NF1: variants seen among roughly 807,000 people sequenced by gnomAD.
NF1 encodes the protein neurofibromin 1, also known as neurofibromin.
NF1 carries 122 observed loss-of-function variants against 325.7 expected under a neutral mutation model. That is an observed-to-expected ratio of 0.37 (90% CI 0.32 to 0.44). The LOEUF is 0.44. NF1 is among the 20% of genes least tolerant of loss of function. The pLI is 1.00. For synonymous variants in NF1, 1,091 were observed against 1,186.0 expected, an observed-to-expected ratio of 0.92 and a Z score of 1.65; for missense variants, 2,140 against 3,415.4, an observed-to-expected ratio of 0.63 and a Z score of 9.31.
chr17:31,301,360 C>CT (rs2068569937), intron 36 of NF1, among the ~76,000 whole-genome samples: 2 of 151,962 alleles, frequency 1.3e-5, no homozygotes, highest in Admixed American at 6.6e-5. Flanking sequence ...CAAATTTTTT[C>CT]TTTTTTCCAG....
intron 48 of NF1, among the ~76,000 whole-genome samples, chr17:31,344,890 T>C (rs1005634407): frequency 6.6e-6 from 1 of 151,994 alleles, no homozygotes; most frequent in African/African-American, 2.4e-5. Flanking sequence ...CTGGCCAACA[T>C]GGTGAAACCC....
At chr17:31,330,267 A>G in intron 38 of NF1, 29 bp from the exon 39 acceptor site, 1 of 1,606,550 alleles carries the variant, frequency 6.2e-7, no homozygotes, top group Non-Finnish European at 8.5e-7. Context: ...AATACGTTTT[A>G]AAACAACTTC....
Position 31,327,886 on chromosome 17 carries a change from T to C in NF1, c.5609+47T>C, listed in dbSNP as rs368734862. ...TCAGTTTGATTTGGGGTTTGTTGCT[T>C]TTAAAATGAGACCATTTAATGAATT... On this transcript the variant is annotated intron_variant, in intron 38 of 57. Coordinates refer to ENST00000358273, the MANE Select transcript of NF1 (RefSeq NM_001042492.3). 9 of 1,540,832 alleles carry C rather than the reference T, an allele frequency of 5.8e-6. No individual in the cohort carries two copies. The African/African-American group carries it at 9.5e-5, about 16-fold the overall frequency.
chr17:31,159,429 C>G (rs2065724283), intron 3 of NF1, among the ~76,000 whole-genome samples: 1 of 152,144 alleles, frequency 6.6e-6, no homozygotes, highest in Admixed American at 6.5e-5. Flanking sequence ...GAGTGCGATT[C>G]AGAAGTCCAA....
chr17:31,150,996 C>T (rs575015131), intron 1 of NF1, among the ~76,000 whole-genome samples: 1 of 151,610 alleles, frequency 6.6e-6, no homozygotes, highest in South Asian at 2.1e-4. Context: ...GATTACGCCA[C>T]TGCACTCCAG....
intron 14 of NF1, chr17:31,219,346 A>G (rs1597703820): frequency 7.5e-6 from 2 of 265,360 alleles, no homozygotes; most frequent in East Asian, 1.3e-4. Flanking sequence ...TTAATAAAAT[A>G]GTTCGAGATT....
intron 22 of NF1, 41 bp from the exon 23 acceptor site, chr17:31,230,219 C>G (rs1416495460): frequency 1.2e-6 from 2 of 1,605,196 alleles, no homozygotes; most frequent in Non-Finnish European, 1.7e-6. Context: ...TCTCTTTTGT[C>G]TATATCTGAT....
At chr17:31,360,411 A>G (rs1354843836) in intron 56 of NF1, 76 bp from the exon 57 acceptor site, 13 of 1,269,128 alleles carry the variant, frequency 1.0e-5, no homozygotes, top group Non-Finnish European at 1.5e-5. Flanking sequence ...GTCCAAACAA[A>G]ATTAATATTT....
At chr17:31,264,537 G>A (rs1036142320) in intron 35 of NF1, among the ~76,000 whole-genome samples, 2 of 152,150 alleles carry the variant, frequency 1.3e-5, no homozygotes, top group Non-Finnish European at 2.9e-5. Context: ...GATAAAATGA[G>A]GAGGTTCAAA....
At chr17:31,314,734 C>T (rs1449671068) in intron 36 of NF1, among the ~76,000 whole-genome samples, 2 of 152,108 alleles carry the variant, frequency 1.3e-5, no homozygotes, top group African/African-American at 4.8e-5. Context: ...GCTTCCAAAT[C>T]TTGGCTGTTG....
At chr17:31,239,228 A>G (rs1206432748) in intron 29 of NF1, among the ~76,000 whole-genome samples, 1 of 152,214 alleles carries the variant, frequency 6.6e-6, no homozygotes, top group Non-Finnish European at 1.5e-5. Flanking sequence ...AAGCAGAGAC[A>G]TGGAAATTAA....
rs2065717955 is a variant in NF1 at position 31,159,075 on chromosome 17, G to A, written c.270G>A (p.Leu90=). The A allele has an allele frequency of 6.2e-7, 1 of 1,608,458 alleles. No individual in the cohort carries two copies. Among genetic ancestry groups the A allele is most frequent in the Non-Finnish European group, 8.5e-7 (1 of 1,175,184 alleles). The part of the protein sequence containing the change: ...YLSQLIILDT[L]EKCLAGQPKD... ...CTCAGTTGATTATATTGGATACACT[G>A]GAAAAATGTCTTGCTGGGGTAAGTA... The change falls in exon 3 of 58, where the codon CTG becomes CTA. Residue 90 remains leucine, a synonymous_variant. Coordinates refer to ENST00000358273, the MANE Select transcript of NF1 (RefSeq NM_001042492.3).
At chr17:31,224,773 T>A (rs1245609321) in intron 16 of NF1, among the ~76,000 whole-genome samples, 1 of 152,200 alleles carries the variant, frequency 6.6e-6, no homozygotes, top group Non-Finnish European at 1.5e-5. Context: ...AAAATCTTTG[T>A]CATTGAGATC....
rs2067969878 is a variant in NF1 at position 31,274,735 on chromosome 17, TAGTA to T, written c.4835+9398_4835+9401del. ...TCTTTGGGGGGTATATAGTTGGTAA[TAGTA>T]ATAGTAATAGTAATAGTAATAGTAA... On this transcript the variant is annotated intron_variant, in intron 36 of 57. Transcript: ENST00000358273. Among the ~76,000 whole-genome samples the T allele has an allele frequency of 8.0e-3, 3 of 376 alleles. No individual in the cohort carries two copies. In the Non-Finnish European group the frequency reaches 0.12, roughly 14 times the overall value. 0.2% of individuals were successfully genotyped at this position (376 alleles called of 152,430 possible). A position where few individuals can be genotyped will look rare whatever the true frequency, so the allele number is the denominator to read the frequency against.
intron 1 of NF1, chr17:31,095,585 T>C: frequency 2.1e-6 from 1 of 481,030 alleles, no homozygotes; most frequent in Non-Finnish European, 3.7e-6. Context: ...ACCCTTTCCC[T>C]CCTAAGTCGG....
chr17:31,217,931 C>T (rs571481031), intron 13 of NF1, among the ~76,000 whole-genome samples: 44 of 110,832 alleles, frequency 4.0e-4, no homozygotes, highest in Non-Finnish European at 7.6e-4. Flanking sequence ...CGCCATTGCA[C>T]TCCGTTTCAA....
At chr17:31,256,661 T>G (rs2151460010) in intron 31 of NF1, among the ~76,000 whole-genome samples, 1 of 152,350 alleles carries the variant, frequency 6.6e-6, no homozygotes, top group African/African-American at 2.4e-5. Context: ...TTTTACATCT[T>G]TCTATAGTTT....
chr17:31,116,033 A>G (rs911882413), intron 1 of NF1, among the ~76,000 whole-genome samples: 2 of 152,214 alleles, frequency 1.3e-5, no homozygotes, highest in African/African-American at 4.8e-5. Flanking sequence ...TATGACAGCT[A>G]TATCATCTAT....
intron 36 of NF1, among the ~76,000 whole-genome samples, chr17:31,300,274 C>G (rs1406123310): frequency 6.6e-6 from 1 of 151,796 alleles, no homozygotes; most frequent in Non-Finnish European, 1.5e-5. Flanking sequence ...TATTTCCTTC[C>G]TTCTGCTATT....
Sources: allele counts gnomAD v4.1 joint callset (sites outside exome capture counted in the v4.1 genomes callset), GRCh38; gene constraint gnomAD v4.1.1; transcripts MANE v1.5; gene names NCBI Gene and HGNC (gene_info 2026-07-23, HGNC 2026-07-21).